The following NRK variants were observed in gnomAD, a reference collection of about 807,000 sequenced individuals.
NRK encodes nik-related protein kinase.
A neutral mutation model predicts 125.2 loss-of-function variants in NRK; 67 were observed. The ratio of observed to expected loss-of-function variants is 0.54; its 90% confidence interval spans 0.44 to 0.66. The LOEUF (loss-of-function observed/expected upper bound fraction) is 0.66. Ranked by LOEUF, NRK falls within the 30% of genes least tolerant of loss-of-function variation. The pLI is 0.00. For missense variants in NRK, 1,224 were observed against 1,192.9 expected, an observed-to-expected ratio of 1.03 and a Z score of -0.38; for synonymous variants, 458 against 429.0, an observed-to-expected ratio of 1.07 and a Z score of -0.84.
intron 5 of NRK, among the ~76,000 whole-genome samples, chrX:105,890,992 A>G (rs2040009629): frequency 8.9e-6 from 1 of 112,199 alleles, no homozygotes; most frequent in Non-Finnish European, 1.9e-5. Flanking sequence ...CAAATATTTT[A>G]TGTAATTACT....
chrX:105,826,910 G>A (rs1416890025), intron 1 of NRK, among the ~76,000 whole-genome samples: 1 of 111,182 alleles, frequency 9.0e-6, no homozygotes, highest in Non-Finnish European at 1.9e-5. Flanking sequence ...CTTTTTTCCA[G>A]TTTCTAGAGC....
Position 105,880,192 on chromosome X carries a change from A to C in NRK, c.124-7A>C, listed in dbSNP as rs773396521. On this transcript the variant is annotated splice_polypyrimidine_tract_variant and splice_region_variant and intron_variant, in intron 2 of 28. Coordinates refer to ENST00000243300, the MANE Select transcript of NRK (RefSeq NM_198465.4). ...CATTTGATATTTATCACTATCCTGT[A>C]TTTCAGGGACTTCATGAGAAGACTG... The C allele has an allele frequency of 9.7e-7, 1 of 1,027,027 alleles. No individual in the cohort carries two copies. The allele number at this position is 1,027,027 out of a possible 1,213,427, so 84.6% of individuals were successfully genotyped here. A position where few individuals can be genotyped will look rare whatever the true frequency, so the allele number is the denominator to read the frequency against.
intron 2 of NRK, among the ~76,000 whole-genome samples, chrX:105,837,306 T>C (rs2039278996): frequency 8.9e-6 from 1 of 111,838 alleles, no homozygotes; most frequent in African/African-American, 3.2e-5. Flanking sequence ...AAATGTTGCA[T>C]AAATAACCTG....
intron 2 of NRK, among the ~76,000 whole-genome samples, chrX:105,875,210 G>C (rs1485039326): frequency 1.8e-5 from 2 of 111,635 alleles, no homozygotes; most frequent in Non-Finnish European, 1.9e-5. Context: ...GAATAGAACA[G>C]TTTATCTTTC....
At chrX:105,893,064 T>C (rs781551461) in intron 5 of NRK, among the ~76,000 whole-genome samples, 1 of 112,128 alleles carries the variant, frequency 8.9e-6, no homozygotes, top group African/African-American at 3.2e-5. Flanking sequence ...CACTCTTTAG[T>C]TAACTCATAT....
intron 2 of NRK, among the ~76,000 whole-genome samples, chrX:105,859,977 T>C (rs572613718): frequency 3.6e-5 from 4 of 112,157 alleles, no homozygotes; most frequent in African/African-American, 1.3e-4. Flanking sequence ...TAATTTGTTT[T>C]TGAAGCTCTC....
At chrX:105,843,977 C>CTG (rs751188822) in intron 2 of NRK, among the ~76,000 whole-genome samples, 6,582 of 87,231 alleles carry the variant, frequency 0.075, 212 homozygotes, top group African/African-American at 0.11. Flanking sequence ...GTCCTGCACT[C>CTG]TGTGTGTGTG....
intron 12 of NRK, 37 bp downstream of exon 12, chrX:105,908,340 G>A: frequency 1.4e-6 from 1 of 730,715 alleles, no homozygotes; most frequent in South Asian, 3.1e-5. Context: ...TTTGATGATA[G>A]CAATTCACAT....
At chrX:105,953,977 TG>T (rs1210198843) in intron 28 of NRK, among the ~76,000 whole-genome samples, 2 of 111,051 alleles carry the variant, frequency 1.8e-5, no homozygotes, top group Non-Finnish European at 3.8e-5. Flanking sequence ...GGCAAAAACC[TG>T]TGTTTCAGGT....
chrX:105,895,561 C>A, intron 7 of NRK, 38 bp downstream of exon 7: 1 of 866,410 alleles, frequency 1.2e-6, no homozygotes, highest in Non-Finnish European at 1.7e-6. Flanking sequence ...TCCAAAACAT[C>A]TTAATGGAGA....
chrX:105,940,008 A>G lies in NRK; in HGVS notation c.3934A>G (p.Thr1312Ala), dbSNP rs1291054598. The G allele has an allele frequency of 8.4e-7, 1 of 1,185,734 alleles. No individual in the cohort carries two copies. Among genetic ancestry groups the G allele is most frequent in the Non-Finnish European group, 1.1e-6 (1 of 878,851 alleles). The change falls in exon 23 of 29, where the codon ACA becomes GCA. Residue 1312 changes from threonine to alanine, a missense_variant. Coordinates refer to ENST00000243300, the MANE Select transcript of NRK (RefSeq NM_198465.4). ...AGCCTGCAAAGCTATTGATAAGTTAACAGGCTGTGAACACTTCAGTGTCCG... is the reference window on the plus strand; with the variant it reads ...AGCCTGCAAAGCTATTGATAAGTTAGCAGGCTGTGAACACTTCAGTGTCCG... ...EEACKAIDKL[T>A]GCEHFSVLQH...
chrX:105,917,490 C>T (rs2040381421), intron 15 of NRK, 88 bp from the exon 16 acceptor site: 1 of 489,213 alleles, frequency 2.0e-6, no homozygotes, highest in South Asian at 5.5e-5. Flanking sequence ...TATATTTAAA[C>T]AAAACTTTGT....
chrX:105,853,524 C>A (rs2039498294), intron 2 of NRK, among the ~76,000 whole-genome samples: 1 of 111,839 alleles, frequency 8.9e-6, no homozygotes, highest in Admixed American at 9.5e-5. Flanking sequence ...CGCGCAAGCA[C>A]ACACAGACAC....
chrX:105,825,012 C>G (rs1187422294), intron 1 of NRK, among the ~76,000 whole-genome samples: 1 of 111,892 alleles, frequency 8.9e-6, no homozygotes, highest in African/African-American at 3.3e-5. Flanking sequence ...CTCAAACACC[C>G]TGATTCAAAC....
intron 2 of NRK, among the ~76,000 whole-genome samples, chrX:105,841,083 A>G (rs978392358): frequency 6.3e-5 from 7 of 111,259 alleles, no homozygotes; most frequent in Non-Finnish European, 1.1e-4. Flanking sequence ...TCCTAACTTG[A>G]TTTTAGGACT....
intron 1 of NRK, among the ~76,000 whole-genome samples, chrX:105,824,248 C>T (rs1389670473): frequency 8.9e-6 from 1 of 111,920 alleles, no homozygotes; most frequent in Non-Finnish European, 1.9e-5. Context: ...AATCTTTTCT[C>T]ATTCTGCATG....
chrX:105,900,151 TACACACACACACACACACACAC>T (rs202022404), intron 8 of NRK, among the ~76,000 whole-genome samples: 9 of 89,398 alleles, frequency 1.0e-4, no homozygotes, highest in African/African-American at 2.8e-4. Flanking sequence ...ACTGCTGAAG[TACACACACACACACACACACAC>T]ACACACACAC....
intron 1 of NRK, among the ~76,000 whole-genome samples, chrX:105,826,114 G>A (rs1192147554): frequency 2.2e-5 from 2 of 88,899 alleles, no homozygotes; most frequent in African/African-American, 8.3e-5. Context: ...ATGTTTGGGT[G>A]ATATATATAT....
chrX:105,920,787 T>C (rs866245439), intron 16 of NRK, among the ~76,000 whole-genome samples: 3 of 106,978 alleles, frequency 2.8e-5, no homozygotes, highest in South Asian at 4.3e-4. Context: ...TGAGATACCA[T>C]CTCACACCAG....
Sources: allele counts gnomAD v4.1 joint callset (sites outside exome capture counted in the v4.1 genomes callset), GRCh38; gene constraint gnomAD v4.1.1; transcripts MANE v1.5; gene names NCBI Gene and HGNC (gene_info 2026-07-23, HGNC 2026-07-21).